Variants in DNAH17 observed in about 807,000 individuals in gnomAD.
The protein encoded by DNAH17 is axonemal beta dynein heavy chain 17.
Under a neutral mutation model 485.6 loss-of-function variants are expected in DNAH17, and 376 were observed. The observed-to-expected ratio is 0.77, with a 90% CI of 0.71 to 0.84. DNAH17 has a LOEUF of 0.84. DNAH17 is among the 40% of genes least tolerant of loss of function. The pLI, the probability that DNAH17 is intolerant of heterozygous loss-of-function variation, is 0.00. For synonymous variants in DNAH17, 3,031 were observed against 2,405.9 expected, an observed-to-expected ratio of 1.26 and a Z score of -7.60; for missense variants, 6,370 against 5,839.3, an observed-to-expected ratio of 1.09 and a Z score of -2.96.
chr17:78,533,147 C>G (rs2091285537), intron 19 of DNAH17: 2 of 186,046 alleles, frequency 1.1e-5, no homozygotes, highest in Non-Finnish European at 1.1e-5. Context: ...GTCTGGGGAA[C>G]CCCGAGATGA....
Position 78,434,237 on chromosome 17 carries a change from C to T in DNAH17, c.12034-17G>A. On this transcript the variant is annotated splice_polypyrimidine_tract_variant and intron_variant, in intron 74 of 80. Coordinates refer to ENST00000389840, the MANE Select transcript of DNAH17 (RefSeq NM_173628.4). ...CAGGGTGTCCTGTGGGGCACACGCT[C>T]CGGTCAGGTATTAGGGAGAGGGAGA... 1 of 1,594,784 alleles carries T rather than the reference C, an allele frequency of 6.3e-7. No individual in the cohort carries two copies. The highest frequency in any genetic ancestry group is 8.6e-7 in the Non-Finnish European group (1 of 1,166,330).
At chr17:78,492,839 T>C in intron 41 of DNAH17, 74 bp from the exon 42 acceptor site, 9 of 1,154,354 alleles carry the variant, frequency 7.8e-6, no homozygotes, top group Non-Finnish European at 9.4e-6. Flanking sequence ...CTCAGGACCA[T>C]GGGTGGGCCT....
Position 78,507,263 on chromosome 17 carries a change from A to G in DNAH17, c.4676+15T>C, listed in dbSNP as rs751061562. ...CACCACTGACTCCCCTGGTCTGGAT[A>G]GGTGTGAGCCGCACCTCTTCTTCAG... On this transcript the variant is annotated intron_variant, in intron 29 of 80. Coordinates refer to ENST00000389840, the MANE Select transcript of DNAH17 (RefSeq NM_173628.4). The G allele has an allele frequency of 2.5e-6, 4 of 1,613,652 alleles. No individual in the cohort carries two copies. In the South Asian group the frequency reaches 4.4e-5, roughly 18 times the overall value.
intron 16 of DNAH17, among the ~76,000 whole-genome samples, chr17:78,546,535 G>C (rs16971523): frequency 0.14 from 21,836 of 152,146 alleles, 1,737 homozygotes; most frequent in East Asian, 0.3. Flanking sequence ...ATTTGGATAG[G>C]AGAAATCCTG....
intron 54 of DNAH17, among the ~76,000 whole-genome samples, chr17:78,471,767 C>T (rs1435694806): frequency 6.6e-6 from 1 of 152,098 alleles, no homozygotes; most frequent in Non-Finnish European, 1.5e-5. Flanking sequence ...CTGGGCTGTC[C>T]CCACCTCACC....
In DNAH17 at chr17:78,526,923, G is replaced by A. The variant is rs746207589; in HGVS notation, c.3581C>T (p.Ala1194Val). 13 of 1,585,906 alleles carry A rather than the reference G, an allele frequency of 8.2e-6. No homozygotes were observed. The highest frequency in any genetic ancestry group is 5.4e-5 in the Admixed American group (3 of 55,546). The change falls in exon 23 of 81, where the codon GCC becomes GTC. Residue 1194 changes from alanine to valine, a missense_variant. By Grantham distance (64) the Ala-to-Val change is moderately conservative. Transcript: ENST00000389840. ...QVKLTVAPLQ[A>V]NEVSILRRKC... ...CCGCCGCAGGATGCTGACCTCGTTG[G>A]CCTGGAGTGGTGCCACGGTCAGCTT...
At chr17:78,504,487 C>T (rs1467388656) in intron 31 of DNAH17, among the ~76,000 whole-genome samples, 2 of 151,690 alleles carry the variant, frequency 1.3e-5, no homozygotes, top group South Asian at 2.1e-4. Context: ...CCACCCACCC[C>T]ACCCACCCCA....
chr17:78,543,400 C>T (rs1213054416), intron 17 of DNAH17, among the ~76,000 whole-genome samples: 1 of 152,058 alleles, frequency 6.6e-6, no homozygotes, highest in African/African-American at 2.4e-5. Flanking sequence ...ACGCCATTCT[C>T]CTGCCTCAGC....
At chr17:78,572,233 G>A (rs2092369018) in intron 3 of DNAH17, among the ~76,000 whole-genome samples, 1 of 145,610 alleles carries the variant, frequency 6.9e-6, no homozygotes, top group Non-Finnish European at 1.5e-5. Context: ...GGTGCGAGGG[G>A]ACACCTTGGA....
intron 65 of DNAH17, among the ~76,000 whole-genome samples, chr17:78,452,984 T>C (rs912724224): frequency 1.8e-5 from 2 of 108,264 alleles, no homozygotes; most frequent in South Asian, 6.0e-4. Flanking sequence ...AAATGCTCAA[T>C]TGTGTATTTT....
intron 19 of DNAH17, among the ~76,000 whole-genome samples, chr17:78,534,301 G>A (rs960973810): frequency 7.2e-5 from 11 of 152,246 alleles, no homozygotes; most frequent in Non-Finnish European, 1.0e-4. Flanking sequence ...AGGGGACCTC[G>A]TTGGTAAGGG....
intron 61 of DNAH17, 125 bp downstream of exon 61, chr17:78,458,876 C>T: frequency 3.4e-6 from 4 of 1,178,388 alleles, no homozygotes; most frequent in Non-Finnish European, 4.9e-6. Context: ...TGCCTGCATC[C>T]TCTTGCACTG....
At chr17:78,441,333 G>C in intron 71 of DNAH17, 134 bp from the exon 72 acceptor site, 1 of 963,590 alleles carries the variant, frequency 1.0e-6, no homozygotes, top group East Asian at 2.6e-5. Context: ...GCCTGTGGCA[G>C]GAGAGCAGAG....
chr17:78,567,768 G>A (rs1299747689), intron 9 of DNAH17, among the ~76,000 whole-genome samples: 2 of 152,202 alleles, frequency 1.3e-5, no homozygotes, highest in African/African-American at 4.8e-5. Context: ...CAGGGGCCCG[G>A]TCTCCCATCT....
intron 9 of DNAH17, 30 bp from the exon 10 acceptor site, chr17:78,567,196 A>G (rs1268410217): frequency 1.9e-6 from 3 of 1,571,614 alleles, no homozygotes; most frequent in Non-Finnish European, 2.6e-6. Flanking sequence ...CAGTCAATTC[A>G]TCTTCACAAC....
chr17:78,472,668 G>A (rs1373285073), intron 54 of DNAH17: 2 of 450,128 alleles, frequency 4.4e-6, no homozygotes, highest in Non-Finnish European at 8.9e-6. Context: ...GCACCTGAAG[G>A]TTTCGGATCC....
intron 22 of DNAH17, among the ~76,000 whole-genome samples, chr17:78,527,318 C>A (rs1441498576): frequency 6.6e-6 from 1 of 152,040 alleles, no homozygotes; most frequent in Non-Finnish European, 1.5e-5. Context: ...ACTAGGAAGG[C>A]AGAGGCTACT....
At chr17:78,534,844 C>G (rs1173091979) in intron 19 of DNAH17, among the ~76,000 whole-genome samples, 1 of 152,134 alleles carries the variant, frequency 6.6e-6, no homozygotes, top group East Asian at 1.9e-4. Context: ...TCTATCTCCT[C>G]CTTGTCCTGA....
chr17:78,500,298 C>A lies in DNAH17; in HGVS notation c.5640+7G>T. The A allele has an allele frequency of 6.2e-7, 1 of 1,608,156 alleles. No homozygotes were observed. Among genetic ancestry groups the A allele is most frequent in the East Asian group, 2.2e-5 (1 of 44,564 alleles). ...CTGGGTCCCTCCTCCGGACCCCGGC[C>A]GCGTACCTTGTAGTCCATCTGCTCG... is the stretch of plus-strand genomic sequence containing the variant. On this transcript the variant is annotated splice_region_variant and intron_variant, in intron 36 of 80. Coordinates refer to ENST00000389840, the MANE Select transcript of DNAH17 (RefSeq NM_173628.4).
Sources: gnomAD v4.1 joint callset for allele counts (sites outside exome capture counted in the v4.1 genomes callset) on GRCh38, gnomAD v4.1.1 for gene constraint, MANE v1.5 for transcripts, NCBI Gene and HGNC (gene_info 2026-07-23, HGNC 2026-07-21) for gene names.